SHTN1: variants seen among roughly 807,000 people sequenced by gnomAD.
SHTN1 encodes shootin-1.
SHTN1 carries 42 observed loss-of-function variants against 83.1 expected under a neutral mutation model. That is an observed-to-expected ratio of 0.51 (90% CI 0.39 to 0.65). The LOEUF (loss-of-function observed/expected upper bound fraction) is 0.65, where lower values mean the gene tolerates loss of function less well. Ranked by LOEUF, SHTN1 falls within the 30% of genes least tolerant of loss-of-function variation. The pLI is 0.00. For missense variants in SHTN1, 622 were observed against 737.8 expected, an observed-to-expected ratio of 0.84 and a Z score of 1.82; for synonymous variants, 224 against 247.7, an observed-to-expected ratio of 0.90 and a Z score of 0.90.
At chr10:116,902,153 C>T (rs180702774) in intron 15 of SHTN1, among the ~76,000 whole-genome samples, 196 bp from the exon 16 acceptor site, 2 of 152,292 alleles carry the variant, frequency 1.3e-5, no homozygotes, top group Admixed American at 1.3e-4. Context: ...TCTACCAGGA[C>T]CACGCTGAGA....
intron 9 of SHTN1, among the ~76,000 whole-genome samples, chr10:116,930,978 A>G (rs967116709): frequency 6.6e-6 from 1 of 152,144 alleles, no homozygotes; most frequent in Non-Finnish European, 1.5e-5. Flanking sequence ...TCTAATGATT[A>G]GTGATGTTAA....
chr10:117,065,495 A>C (rs1311693559), intron 1 of SHTN1, among the ~76,000 whole-genome samples: 1 of 151,136 alleles, frequency 6.6e-6, no homozygotes, highest in African/African-American at 2.4e-5. Flanking sequence ...AGGCAAGTGG[A>C]TTGCTTGAGG....
At chr10:116,931,053 C>A (rs984822845) in intron 9 of SHTN1, among the ~76,000 whole-genome samples, 2 of 149,922 alleles carry the variant, frequency 1.3e-5, no homozygotes, top group Non-Finnish European at 3.0e-5. Context: ...CACTTTTGTA[C>A]CCATTTTCAA....
chr10:117,027,607 TC>T (rs1336787012), intron 2 of SHTN1, among the ~76,000 whole-genome samples: 2 of 152,082 alleles, frequency 1.3e-5, no homozygotes, highest in Non-Finnish European at 2.9e-5. Flanking sequence ...CATGCCATTC[TC>T]CTGCCTCAGC....
intron 2 of SHTN1, among the ~76,000 whole-genome samples, chr10:117,011,058 G>A (rs1852096149): frequency 6.6e-6 from 1 of 152,140 alleles, no homozygotes; most frequent in African/African-American, 2.4e-5. Context: ...ACAGTGTGCT[G>A]CAAGTTCAAT....
At chr10:116,922,942 G>C (rs1447407151) in intron 11 of SHTN1, among the ~76,000 whole-genome samples, 2 of 151,212 alleles carry the variant, frequency 1.3e-5, no homozygotes, top group African/African-American at 2.4e-5. Context: ...CTCCAGCCTG[G>C]GCAACAAAAG....
intron 1 of SHTN1, among the ~76,000 whole-genome samples, chr10:117,049,081 C>A (rs1852707001): frequency 6.6e-6 from 1 of 152,190 alleles, no homozygotes; most frequent in Admixed American, 6.5e-5. Context: ...AATTTTATCA[C>A]TCTACCCAAA....
chr10:117,039,039 C>T (rs1006894110), intron 2 of SHTN1, among the ~76,000 whole-genome samples: 1 of 152,168 alleles, frequency 6.6e-6, no homozygotes, highest in Non-Finnish European at 1.5e-5. Flanking sequence ...AAAACCTGCA[C>T]AAATATATGT....
chr10:116,972,548 C>A (rs998889406), intron 2 of SHTN1, among the ~76,000 whole-genome samples: 1 of 152,192 alleles, frequency 6.6e-6, no homozygotes, highest in African/African-American at 2.4e-5. Context: ...GGGAAGTCAG[C>A]CAGGATAACG....
intron 1 of SHTN1, among the ~76,000 whole-genome samples, chr10:116,992,693 G>T (rs1851482888): frequency 6.6e-6 from 1 of 151,960 alleles, no homozygotes; most frequent in Non-Finnish European, 1.5e-5. Context: ...ATGATTCTTA[G>T]AGGGGACAAA....
chr10:117,062,384 C>T (rs1359723745), intron 1 of SHTN1, among the ~76,000 whole-genome samples: 4 of 152,186 alleles, frequency 2.6e-5, no homozygotes, highest in African/African-American at 9.6e-5. Flanking sequence ...CACAGAATTC[C>T]CATTGGGAAT....
chr10:117,036,129 G>A (rs1852493513), intron 2 of SHTN1, among the ~76,000 whole-genome samples: 2 of 151,968 alleles, frequency 1.3e-5, no homozygotes, highest in Non-Finnish European at 2.9e-5. Context: ...CCAAAGGGGA[G>A]CAATAACAAA....
intron 2 of SHTN1, among the ~76,000 whole-genome samples, chr10:117,026,036 G>C (rs1175815396): frequency 6.6e-6 from 1 of 152,114 alleles, no homozygotes; most frequent in Admixed American, 6.6e-5. Context: ...GAAAAGCAGA[G>C]GGAAAACTTA....
intron 11 of SHTN1, among the ~76,000 whole-genome samples, chr10:116,924,613 G>A (rs1848675481): frequency 6.6e-6 from 1 of 152,040 alleles, no homozygotes; most frequent in African/African-American, 2.4e-5. Flanking sequence ...AGGAGATTAG[G>A]TCAAGACCTC....
intron 1 of SHTN1, among the ~76,000 whole-genome samples, chr10:116,981,726 A>C (rs1449729798): frequency 6.6e-6 from 1 of 152,204 alleles, no homozygotes; most frequent in East Asian, 1.9e-4. Context: ...TTGGTGACCT[A>C]CTTTACAGAC....
chr10:117,064,700 C>G (rs746635743), intron 1 of SHTN1, among the ~76,000 whole-genome samples: 16 of 151,908 alleles, frequency 1.1e-4, no homozygotes, highest in Non-Finnish European at 1.9e-4. Context: ...ACTGCCTTTC[C>G]AAACCCCACT....
At chr10:116,910,180 AC>A (rs1339911318) in intron 14 of SHTN1, among the ~76,000 whole-genome samples, 1 of 152,190 alleles carries the variant, frequency 6.6e-6, no homozygotes, top group Non-Finnish European at 1.5e-5. Flanking sequence ...CCTCAAAGAA[AC>A]TTCTATGGGG....
intron 11 of SHTN1, among the ~76,000 whole-genome samples, chr10:116,925,702 G>A (rs1848722318): frequency 6.6e-6 from 1 of 152,152 alleles, no homozygotes; most frequent in Non-Finnish European, 1.5e-5. Context: ...TATCTGCATA[G>A]AACCTGTCCT....
intron 15 of SHTN1, among the ~76,000 whole-genome samples, chr10:116,906,086 A>C (rs1847958558): frequency 6.6e-6 from 1 of 152,262 alleles, no homozygotes; most frequent in African/African-American, 2.4e-5. Context: ...ACTGATGTGT[A>C]ATTTCTACTG....
Sources: allele counts gnomAD v4.1 joint callset (sites outside exome capture counted in the v4.1 genomes callset), GRCh38; gene constraint gnomAD v4.1.1; transcripts MANE v1.5; gene names NCBI Gene and HGNC (gene_info 2026-07-23, HGNC 2026-07-21).